KCNIP4: variants seen among roughly 807,000 people sequenced by gnomAD.
KCNIP4 encodes Kv channel-interacting protein 4.
KCNIP4 carries 12 observed loss-of-function variants against 34.0 expected under a neutral mutation model. The observed-to-expected ratio is 0.35, with a 90% CI of 0.23 to 0.57. The LOEUF is 0.57. Among genes scored for constraint, KCNIP4 ranks in the 20% least tolerant of loss-of-function variants. The probability of loss-of-function intolerance (pLI) is 0.83; values close to 1 mark genes in which losing one functional copy is unlikely to be tolerated. For synonymous variants in KCNIP4, 124 were observed against 102.2 expected, an observed-to-expected ratio of 1.21 and a Z score of -1.29; for missense variants, 238 against 311.7, an observed-to-expected ratio of 0.76 and a Z score of 1.78.
intron 1 of KCNIP4, among the ~76,000 whole-genome samples, chr4:21,503,578 T>A (rs1434138942): frequency 1.3e-5 from 2 of 152,198 alleles, no homozygotes; most frequent in Non-Finnish European, 2.9e-5. Context: ...TTTCAAAGCA[T>A]GTTTTGGGAT....
chr4:21,618,543 CCTT>C (rs575975065), intron 1 of KCNIP4, among the ~76,000 whole-genome samples: 55 of 150,872 alleles, frequency 3.6e-4, no homozygotes, highest in Non-Finnish European at 6.5e-4. Context: ...CTCTCTTTCT[CCTT>C]CTCTCTTTTT....
intron 1 of KCNIP4, among the ~76,000 whole-genome samples, chr4:21,400,880 G>T (rs762636792): frequency 6.6e-6 from 1 of 152,138 alleles, no homozygotes; most frequent in Non-Finnish European, 1.5e-5. Context: ...ATGAAGTTAT[G>T]CTCAGCATGG....
chr4:21,478,679 G>C (rs571151978), intron 1 of KCNIP4, among the ~76,000 whole-genome samples: 3 of 152,186 alleles, frequency 2.0e-5, no homozygotes, highest in Non-Finnish European at 2.9e-5. Context: ...TTTTAGATTA[G>C]GAAAGTCCAA....
intron 3 of KCNIP4, among the ~76,000 whole-genome samples, chr4:20,778,508 G>A (rs1756575640): frequency 2.6e-5 from 4 of 152,190 alleles, no homozygotes; most frequent in Admixed American, 1.3e-4. Context: ...ATCTGAATAA[G>A]ATCAGTGGAT....
At chr4:21,636,095 C>T (rs1162481207) in intron 1 of KCNIP4, among the ~76,000 whole-genome samples, 1 of 132,244 alleles carries the variant, frequency 7.6e-6, no homozygotes, top group Non-Finnish European at 1.5e-5. Flanking sequence ...ACAATGAGAT[C>T]ACATGGACAC....
At chr4:21,015,987 T>G (rs955578612) in intron 1 of KCNIP4, among the ~76,000 whole-genome samples, 69 of 145,592 alleles carry the variant, frequency 4.7e-4, no homozygotes, top group Non-Finnish European at 8.1e-4. Flanking sequence ...GTACTATGCT[T>G]AAAAAATAAA....
intron 1 of KCNIP4, among the ~76,000 whole-genome samples, chr4:21,349,713 G>A (rs991473594): frequency 1.3e-5 from 2 of 152,168 alleles, no homozygotes; most frequent in Non-Finnish European, 2.9e-5. Flanking sequence ...CTTAAAGGTA[G>A]AGTGTGCAGG....
At chr4:21,090,374 A>G (rs1746888712) in intron 1 of KCNIP4, among the ~76,000 whole-genome samples, 1 of 152,154 alleles carries the variant, frequency 6.6e-6, no homozygotes. Flanking sequence ...ACAATAGAAA[A>G]TTCAATGCAC....
At chr4:21,429,161 CAACCAATG>C (rs1199716430) in intron 1 of KCNIP4, among the ~76,000 whole-genome samples, 1 of 152,172 alleles carries the variant, frequency 6.6e-6, no homozygotes, top group African/African-American at 2.4e-5. Flanking sequence ...TCTTCCCTGG[CAACCAATG>C]AACTTTTTAC....
intron 1 of KCNIP4, among the ~76,000 whole-genome samples, chr4:21,529,109 T>C (rs4560398): frequency 0.084 from 12,728 of 152,036 alleles, 888 homozygotes; most frequent in Admixed American, 0.18. Context: ...ATTAGGAGAA[T>C]GAAGACTAAG....
chr4:21,232,947 G>A (rs2109024253), intron 1 of KCNIP4, among the ~76,000 whole-genome samples: 1 of 152,180 alleles, frequency 6.6e-6, no homozygotes, highest in Non-Finnish European at 1.5e-5. Context: ...GAGGTGGAGA[G>A]GTTCACTGAG....
At chr4:21,505,569 C>A (rs1733775745) in intron 1 of KCNIP4, among the ~76,000 whole-genome samples, 1 of 152,164 alleles carries the variant, frequency 6.6e-6, no homozygotes, top group South Asian at 2.1e-4. Context: ...TATTTTCCCT[C>A]TAAAACTCTG....
chr4:20,808,264 C>T (rs1014726631), intron 3 of KCNIP4, among the ~76,000 whole-genome samples: 2 of 152,026 alleles, frequency 1.3e-5, no homozygotes, highest in Admixed American at 1.3e-4. Flanking sequence ...GAGATAAGAT[C>T]AAACATATGA....
chr4:21,434,455 C>T (rs1316533193), intron 1 of KCNIP4, among the ~76,000 whole-genome samples: 3 of 152,100 alleles, frequency 2.0e-5, no homozygotes, highest in Non-Finnish European at 4.4e-5. Context: ...GAAACATTAG[C>T]ATCATGTAAC....
Position 21,269,456 on chromosome 4 carries a change from A to G in KCNIP4, c.62-386747T>C, listed in dbSNP as rs951607839. Among the ~76,000 whole-genome samples, 6 of 152,090 alleles carry G rather than the reference A, an allele frequency of 3.9e-5. No individual in the cohort carries two copies. In the East Asian group the frequency reaches 1.2e-3, roughly 29 times the overall value. On this transcript the variant is annotated intron_variant, in intron 1 of 8. Coordinates refer to ENST00000382152, the MANE Select transcript of KCNIP4 (RefSeq NM_025221.6). ...GGTCTCAGTCCAATGTCCAGGTTGG[A>G]GTGCAGTGGTGTGATCATGGCTCAC...
intron 1 of KCNIP4, among the ~76,000 whole-genome samples, chr4:21,423,766 C>G (rs10022292): frequency 0.59 from 88,731 of 151,534 alleles, 26,085 homozygotes; most frequent in Middle Eastern, 0.63. Flanking sequence ...CTCTTTGTTT[C>G]AATGTACAGT....
chr4:21,517,407 C>T (rs1039807489), intron 1 of KCNIP4, among the ~76,000 whole-genome samples: 2 of 152,092 alleles, frequency 1.3e-5, no homozygotes, highest in African/African-American at 2.4e-5. Context: ...GGAATTTCAA[C>T]GTCCTAACTT....
chr4:21,660,735 C>A (rs1219911152), intron 1 of KCNIP4, among the ~76,000 whole-genome samples: 1 of 152,098 alleles, frequency 6.6e-6, no homozygotes, highest in Non-Finnish European at 1.5e-5. Context: ...TAAACAGGTC[C>A]AAGAATCTAT....
intron 1 of KCNIP4, among the ~76,000 whole-genome samples, chr4:21,240,751 A>T (rs1759750329): frequency 1.3e-5 from 2 of 152,226 alleles, no homozygotes; most frequent in Admixed American, 1.3e-4. Flanking sequence ...AGCCAACTCA[A>T]AAGTACCTTC....
Sources: allele counts gnomAD v4.1 joint callset (sites outside exome capture counted in the v4.1 genomes callset), GRCh38; gene constraint gnomAD v4.1.1; transcripts MANE v1.5; gene names NCBI Gene and HGNC (gene_info 2026-07-23, HGNC 2026-07-21).